Variants in ALS2 observed in about 807,000 individuals in gnomAD.
The protein encoded by ALS2 is alsin.
In ALS2, 117 loss-of-function variants were observed where a neutral mutation model predicts 203.4. The observed-to-expected ratio is 0.58, with a 90% CI of 0.50 to 0.67. ALS2 has a LOEUF of 0.67. Ranked by LOEUF, ALS2 falls within the 30% of genes least tolerant of loss-of-function variation. The pLI, the probability that ALS2 is intolerant of heterozygous loss-of-function variation, is 0.00. For missense variants in ALS2, 1,715 were observed against 1,989.4 expected, an observed-to-expected ratio of 0.86 and a Z score of 2.62; for synonymous variants, 718 against 725.9, an observed-to-expected ratio of 0.99 and a Z score of 0.17.
At chr2:201,726,911 T>C in intron 17 of ALS2, 45 bp from the exon 18 acceptor site, 7 of 1,522,124 alleles carry the variant, frequency 4.6e-6, no homozygotes, top group Non-Finnish European at 6.3e-6. Context: ...CAACAATTCA[T>C]CAAGCATTGC....
Position 201,736,751 on chromosome 2 carries a change from G to T in ALS2, c.2417+1919C>A, listed in dbSNP as rs927506062. On this transcript the variant is annotated intron_variant, in intron 12 of 33. Coordinates refer to ENST00000264276, the MANE Select transcript of ALS2 (RefSeq NM_020919.4). Reference sequence around the variant, plus strand: ...AATAATCGTAAGAATGAGAAACAGGGGGTACAACTACAGTTATTCTGGTGT... The same window carrying T: ...AATAATCGTAAGAATGAGAAACAGGTGGTACAACTACAGTTATTCTGGTGT... Among the ~76,000 whole-genome samples, 7 of 152,220 alleles carry T rather than the reference G, an allele frequency of 4.6e-5. No individual in the cohort carries two copies. In the East Asian group the frequency reaches 7.7e-4, roughly 17 times the overall value.
chr2:201,707,083 C>T, intron 28 of ALS2, 61 bp from the exon 29 acceptor site: 1 of 1,490,754 alleles, frequency 6.7e-7, no homozygotes, highest in East Asian at 2.4e-5. Flanking sequence ...AATACAGAAT[C>T]CAAGGTAGAG....
chr2:201,709,346 C>G (rs1300975254), intron 27 of ALS2, among the ~76,000 whole-genome samples: 1 of 152,126 alleles, frequency 6.6e-6, no homozygotes, highest in Non-Finnish European at 1.5e-5. Flanking sequence ...TATGTTTACT[C>G]TTTTCCCCCA....
chr2:201,725,286 T>C (rs1465059634), intron 20 of ALS2, 70 bp downstream of exon 20: 5 of 1,290,432 alleles, frequency 3.9e-6, no homozygotes, highest in Non-Finnish European at 5.6e-6. Flanking sequence ...AAATTTTGGC[T>C]ATGCAAACAT....
Position 201,757,629 on chromosome 2 carries a change from G to A in ALS2, c.1244C>T (p.Ala415Val). The A allele has an allele frequency of 6.2e-7, 1 of 1,614,160 alleles. No homozygotes were observed. Among genetic ancestry groups the A allele is most frequent in the Non-Finnish European group, 8.5e-7 (1 of 1,180,018 alleles). Residue 415 changes from alanine (A) to valine (V), a missense_variant, in exon 5 of 34, where the codon GCC becomes GTC. By Grantham distance (64) the Ala-to-Val change is moderately conservative. Around this residue, in one of 3 missense-constraint regions of ALS2, gnomAD observed 476 missense variants for 539.3 expected, o/e 0.88. Transcript: ENST00000264276. ...GTTCATAACTTTCTTCAGTGACAAG[G>A]CACCAGCTTCATAAGTAGCAGCCAC... ...VRVAATYEAG[A>V]LSLKKVMNFY...
Position 201,761,423 on chromosome 2 carries a change from T to C in ALS2, c.571A>G (p.Lys191Glu). The change falls in exon 4 of 34, where the codon AAG becomes GAG. Residue 191 changes from lysine to glutamate, a missense_variant. Lys to Glu is a moderately conservative substitution (Grantham distance 56). Transcript: ENST00000264276. ...GLITTAFPVT[K>E]PQKVEHLAGR... ...GCAAGATGTTCTACCTTTTGCGGCT[T>C]TGTCACTGGGAAGGCAGTGGTAATG... 1 of 1,607,912 alleles carries C rather than the reference T, an allele frequency of 6.2e-7. No individual in the cohort carries two copies.
In ALS2 at chr2:201,761,500, A is replaced by C; in HGVS notation, c.494T>G (p.Leu165Trp). ...TGCCCAAATCTCTCTGCTTATTGAC[A>C]ATGCCAGAGTGTGCTCCTCGCCACA... The part of the protein sequence containing the change: ...LACGEEHTLA[L>W]SISREIWAWG... Residue 165 changes from leucine (L) to tryptophan (W), a missense_variant, in exon 4 of 34, where the codon TTG becomes TGG. This residue lies in a region of ALS2 where 476 missense variants were observed against 539.3 expected (regional missense o/e 0.88). Transcript: ENST00000264276. 1 of 1,612,170 alleles carries C rather than the reference A, an allele frequency of 6.2e-7. No homozygotes were observed. Among genetic ancestry groups the C allele is most frequent in the Non-Finnish European group, 8.5e-7 (1 of 1,178,264 alleles).
chr2:201,719,120 C>T (rs1240496149), intron 23 of ALS2, among the ~76,000 whole-genome samples: 1 of 152,038 alleles, frequency 6.6e-6, no homozygotes, highest in Non-Finnish European at 1.5e-5. Flanking sequence ...AAGAGTGAAA[C>T]AGGTTATTAC....
At position 201,704,276 on chromosome 2, in the gene ALS2, T is replaced by C. The variant is rs996804556; in HGVS notation, c.4839-58A>G. 3.1e-5 allele frequency: 48 copies of C among 1,532,582 alleles called. No homozygotes were observed. The Admixed American group carries it at 7.9e-4, about 25-fold the overall frequency. The allele number at this position is 1,532,582 out of a possible 1,614,324, so 94.9% of individuals were successfully genotyped here. A position where few individuals can be genotyped will look rare whatever the true frequency, so the allele number is the denominator to read the frequency against. ...TTCACTTACATGTCCATTCTCCTTTTGAATCTAGTTGATGGGAAAAAGAAA... is the reference window on the plus strand; with the variant it reads ...TTCACTTACATGTCCATTCTCCTTTCGAATCTAGTTGATGGGAAAAAGAAA... On this transcript the variant is annotated intron_variant, in intron 32 of 33. Transcript: ENST00000264276.
Position 201,760,535 on chromosome 2 carries a change from T to C in ALS2, c.1113+346A>G, listed in dbSNP as rs139179109. 6.2e-5 allele frequency: 65 copies of C among 1,048,278 alleles called. No individual in the cohort carries two copies. The East Asian group carries it at 3.9e-3, about 63-fold the overall frequency. 64.9% of individuals were successfully genotyped at this position (1,048,278 alleles called of 1,614,324 possible). ...GTTACAAACACAAGTAAGAAGAATC[T>C]TTGTGAATCTCTAGTTATATTAAAC... On this transcript the variant is annotated intron_variant, in intron 4 of 33. Transcript: ENST00000264276.
At chr2:201,763,127 A>G (rs969105649) in intron 3 of ALS2, 9 of 210,820 alleles carry the variant, frequency 4.3e-5, no homozygotes, top group East Asian at 2.8e-4. Flanking sequence ...CACTTGCTCC[A>G]AGGAGGTGGC....
intron 10 of ALS2, 53 bp from the exon 11 acceptor site, chr2:201,741,907 T>A: frequency 2.8e-6 from 4 of 1,436,576 alleles, no homozygotes; most frequent in Non-Finnish European, 3.9e-6. Flanking sequence ...CCGATCACTT[T>A]ATTATGATGT....
At chr2:201,759,410 T>A (rs1288794376) in intron 4 of ALS2, 2 of 954,566 alleles carry the variant, frequency 2.1e-6, no homozygotes, top group East Asian at 2.3e-4. Context: ...ATGATTGAGA[T>A]GTTATTTACA....
At chr2:201,715,275 A>G (rs763474442) in intron 25 of ALS2, among the ~76,000 whole-genome samples, 49 of 152,210 alleles carry the variant, frequency 3.2e-4, no homozygotes, top group Non-Finnish European at 6.2e-4. Flanking sequence ...TCCTTGAGCC[A>G]GAACCAGAGG....
In ALS2 at chr2:201,706,860, A is replaced by C; in HGVS notation, c.4566T>G (p.Phe1522Leu). The change falls in exon 29 of 34, where the codon TTT becomes TTG. Residue 1522 changes from phenylalanine (F) to leucine (L), a missense_variant. This residue lies in a region of ALS2 where 1,227 missense variants were observed against 1,413.5 expected (regional missense o/e 0.87). Transcript: ENST00000264276. Reference protein sequence around the residue: ...NKQPDIALLGFLGVQRKFWPA... With the variant: ...NKQPDIALLGLLGVQRKFWPA... ...ACTACACTTACCTCTGCACCCCAAG[A>C]AAGCCCAGGAGAGCAATATCTGGCT... The C allele has an allele frequency of 1.9e-6, 3 of 1,614,078 alleles. No individual in the cohort carries two copies. Among genetic ancestry groups the C allele is most frequent in the Non-Finnish European group, 2.5e-6 (3 of 1,179,968 alleles).
In ALS2 at chr2:201,773,832, G is replaced by A. The variant is rs11895742; in HGVS notation, c.-60-4887C>T. 4.1e-3 allele frequency among the ~76,000 whole-genome samples: 631 copies of A among 152,322 alleles called. 6 individuals are homozygous for A. Among genetic ancestry groups the A allele is most frequent in the African/African-American group, 0.014 (589 of 41,570 alleles). On this transcript the variant is annotated intron_variant, in intron 1 of 33. Transcript: ENST00000264276. ...ACAAAGAGGACTGAGACTGAGAAGT[G>A]GTCTGCCGTGGGCACATGAAAGCAA... is the stretch of plus-strand genomic sequence containing the variant.
chr2:201,736,149 CAACA>C (rs1261948551), intron 12 of ALS2, among the ~76,000 whole-genome samples: 1 of 151,912 alleles, frequency 6.6e-6, no homozygotes, highest in Non-Finnish European at 1.5e-5. Flanking sequence ...ACAACAACAA[CAACA>C]AACAATAAGT....
At chr2:201,764,570 G>A (rs1693966719) in intron 3 of ALS2, among the ~76,000 whole-genome samples, 1 of 152,094 alleles carries the variant, frequency 6.6e-6, no homozygotes, top group East Asian at 1.9e-4. Flanking sequence ...GGAGGTGGAG[G>A]TTGCAGTGAG....
chr2:201,729,032 T>C lies in ALS2; in HGVS notation c.2712+20A>G. On this transcript the variant is annotated intron_variant, in intron 14 of 33. Transcript: ENST00000264276. ...GGTTGCTGTTTGCTAGGGTAACAAA[T>C]GACAACTGGCATGGCTTACCGTCAT... The C allele has an allele frequency of 6.2e-7, 1 of 1,614,088 alleles. No individual in the cohort carries two copies. The highest frequency in any genetic ancestry group is 8.5e-7 in the Non-Finnish European group (1 of 1,179,978).
Sources: allele counts gnomAD v4.1 joint callset (sites outside exome capture counted in the v4.1 genomes callset), GRCh38; gene constraint gnomAD v4.1.1; regional missense constraint gnomAD v4.1.1; transcripts MANE v1.5; gene names NCBI Gene and HGNC (gene_info 2026-07-23, HGNC 2026-07-21).